Variants in CDH23 observed in about 807,000 individuals in gnomAD.
CDH23 encodes the protein cadherin-23.
Under a neutral mutation model 317.1 loss-of-function variants are expected in CDH23, and 189 were observed. The ratio of observed to expected loss-of-function variants is 0.60; its 90% CI spans 0.53 to 0.67. CDH23 has a LOEUF of 0.67. Ranked by LOEUF, CDH23 falls within the 30% of genes least tolerant of loss-of-function variation. The probability of loss-of-function intolerance (pLI) is 0.00; values close to 1 mark genes in which losing one functional copy is unlikely to be tolerated. For missense variants in CDH23, 4,401 were observed against 4,592.4 expected, an observed-to-expected ratio of 0.96 and a Z score of 1.20; for synonymous variants, 1,839 against 1,876.8, an observed-to-expected ratio of 0.98 and a Z score of 0.52.
chr10:71,531,984 C>T (rs1282628463), intron 6 of CDH23, among the ~76,000 whole-genome samples: 1 of 152,172 alleles, frequency 6.6e-6, no homozygotes, highest in Non-Finnish European at 1.5e-5. Flanking sequence ...GTTCAAAAGA[C>T]CCTTAGTCCC....
chr10:71,461,255 G>A (rs989531020), intron 3 of CDH23, among the ~76,000 whole-genome samples: 2 of 152,160 alleles, frequency 1.3e-5, no homozygotes, highest in South Asian at 2.1e-4. Context: ...AGGTGGGATG[G>A]CCTGTAGTGT....
intron 6 of CDH23, 89 bp downstream of exon 6, chr10:71,511,301 A>G (rs1490704513): frequency 1.6e-6 from 2 of 1,215,916 alleles, no homozygotes; most frequent in East Asian, 2.3e-5. Context: ...AGGTGGGGAG[A>G]GCAGCTGTGG....
rs1202485588 is a variant in CDH23 at position 71,740,151 on chromosome 10, A to T, written c.4488+379A>T. Reference sequence around the variant, plus strand: ...TCCCCACCTATGCAATGTACAAAAAAATCCCCGTCTGGCCTGCCCTGTGGA... The same window carrying T: ...TCCCCACCTATGCAATGTACAAAAATATCCCCGTCTGGCCTGCCCTGTGGA... On this transcript the variant is annotated intron_variant, in intron 36 of 69. Coordinates refer to ENST00000224721, the MANE Select transcript of CDH23 (RefSeq NM_022124.6). Among the ~76,000 whole-genome samples, 5 of 152,348 alleles carry T rather than the reference A, an allele frequency of 3.3e-5. No individual in the cohort carries two copies. In the East Asian group the frequency reaches 9.7e-4, roughly 29 times the overall value.
intron 9 of CDH23, among the ~76,000 whole-genome samples, chr10:71,610,164 CG>C (rs1860789240): frequency 6.6e-6 from 1 of 152,030 alleles, no homozygotes; most frequent in Non-Finnish European, 1.5e-5. Context: ...CCAGCATGCC[CG>C]GCTAATTTTT....
At chr10:71,718,743 G>C (rs1303860346) in intron 28 of CDH23, among the ~76,000 whole-genome samples, 1 of 152,178 alleles carries the variant, frequency 6.6e-6, no homozygotes, top group Non-Finnish European at 1.5e-5. Flanking sequence ...TAGGATCCAG[G>C]CTTCAGGCCT....
intron 6 of CDH23, among the ~76,000 whole-genome samples, chr10:71,554,005 C>T (rs1856743368): frequency 6.6e-6 from 1 of 152,242 alleles, no homozygotes; most frequent in Non-Finnish European, 1.5e-5. Context: ...CTGCAAAGCA[C>T]TTTGCAGTTT....
chr10:71,741,988 G>A (rs1243276103), intron 38 of CDH23, 67 bp downstream of exon 38: 6 of 1,254,530 alleles, frequency 4.8e-6, no homozygotes, highest in Middle Eastern at 2.1e-4. Context: ...CGAGTGAGGG[G>A]AACAAGATGG....
intron 38 of CDH23, among the ~76,000 whole-genome samples, chr10:71,775,123 G>A (rs1333791856): frequency 6.6e-6 from 1 of 152,154 alleles, no homozygotes; most frequent in Non-Finnish European, 1.5e-5. Flanking sequence ...AGGCAGCCCA[G>A]GGCCCTTCCT....
intron 1 of CDH23, among the ~76,000 whole-genome samples, chr10:71,439,402 C>T (rs1849766895): frequency 6.6e-6 from 1 of 152,204 alleles, no homozygotes; most frequent in Admixed American, 6.5e-5. Context: ...CGGTCAGTGC[C>T]CATCTCCTCA....
intron 9 of CDH23, among the ~76,000 whole-genome samples, chr10:71,612,887 C>T (rs187617165): frequency 9.8e-4 from 150 of 152,370 alleles, no homozygotes; most frequent in African/African-American, 3.3e-3. Context: ...CTTGCTCTGT[C>T]GCCCAGGCTG....
At chr10:71,810,618 T>C (rs1483648681) in intron 62 of CDH23, 49 bp downstream of exon 62, 1 of 1,565,070 alleles carries the variant, frequency 6.4e-7, no homozygotes, top group Non-Finnish European at 8.8e-7. Context: ...TCTGCCTGCC[T>C]CCCTGCCCTG....
At chr10:71,706,836 T>C in intron 25 of CDH23, 61 bp from the exon 26 acceptor site, 3 of 1,534,196 alleles carry the variant, frequency 2.0e-6, no homozygotes, top group Non-Finnish European at 2.6e-6. Context: ...GACGCTGCTC[T>C]GGAGCTGGGT....
Position 71,702,231 on chromosome 10 carries a change from C to T in CDH23, c.2587+20C>T, listed in dbSNP as rs1399904871. 4.4e-6 allele frequency: 7 copies of T among 1,608,560 alleles called. No homozygotes were observed. Among genetic ancestry groups the T allele is most frequent in the African/African-American group, 4.0e-5 (3 of 74,860 alleles). On this transcript the variant is annotated intron_variant, in intron 23 of 69. Coordinates refer to ENST00000224721, the MANE Select transcript of CDH23 (RefSeq NM_022124.6). ...CTGACTGTATGGACCCCTCTCGCCC[C>T]TCACGGCCCCCACACCTTAGGCTGC... is the stretch of plus-strand genomic sequence containing the variant.
chr10:71,661,852 CCCCTCCCACCCTGCACGT>C, intron 14 of CDH23, among the ~76,000 whole-genome samples: 1 of 58,960 alleles, frequency 1.7e-5, no homozygotes, highest in Admixed American at 1.6e-4. Context: ...CCCTGCACGT[CCCCTCCCACCCTGCACGT>C]CCCCTCCCAC....
chr10:71,428,662 C>T (rs112143124), intron 1 of CDH23, among the ~76,000 whole-genome samples: 29 of 150,998 alleles, frequency 1.9e-4, no homozygotes, highest in African/African-American at 6.6e-4. Flanking sequence ...GATCTCAGCT[C>T]ACTGCAACCT....
chr10:71,489,755 A>T (rs2132136672), intron 3 of CDH23, among the ~76,000 whole-genome samples: 1 of 152,154 alleles, frequency 6.6e-6, no homozygotes, highest in Admixed American at 6.6e-5. Context: ...ACTTAAGCTC[A>T]CTACTTGTCT....
intron 6 of CDH23, among the ~76,000 whole-genome samples, chr10:71,558,236 G>A (rs2132334025): frequency 6.6e-6 from 1 of 152,228 alleles, no homozygotes; most frequent in African/African-American, 2.4e-5. Flanking sequence ...CTGACCTCAG[G>A]TGATTCACCT....
At chr10:71,727,987 G>T (rs1432104799) in intron 30 of CDH23, among the ~76,000 whole-genome samples, 1 of 152,148 alleles carries the variant, frequency 6.6e-6, no homozygotes, top group Admixed American at 6.5e-5. Flanking sequence ...GACTCATGGA[G>T]GACAGGCCAC....
chr10:71,796,667 C>T (rs1364277135), intron 48 of CDH23, among the ~76,000 whole-genome samples: 1 of 152,208 alleles, frequency 6.6e-6, no homozygotes. Flanking sequence ...GTGTTAAGTA[C>T]ATTTGCATTG....
Sources: allele counts gnomAD v4.1 joint callset (sites outside exome capture counted in the v4.1 genomes callset), GRCh38; gene constraint gnomAD v4.1.1; transcripts MANE v1.5; gene names NCBI Gene and HGNC (gene_info 2026-07-23, HGNC 2026-07-21).